The following BEAN1 variants were observed in gnomAD, a reference collection of about 807,000 sequenced individuals.
BEAN1 encodes the protein brain expressed associated with NEDD4 1, also known as protein BEAN1.
Under a neutral mutation model 17.7 loss-of-function variants are expected in BEAN1, and 17 were observed. The observed-to-expected ratio is 0.96, with a 90% CI of 0.66 to 1.44. The LOEUF is 1.44. BEAN1 is among the 40% of genes most tolerant of loss of function. BEAN1 has a pLI of 0.00. For missense variants in BEAN1, 359 were observed against 374.1 expected (o/e 0.96, Z 0.33); for synonymous variants, 142 against 151.8 (o/e 0.94, Z 0.47).
At chr16:66,457,453 T>C (rs190303520) in intron 2 of BEAN1, among the ~76,000 whole-genome samples, 4 of 152,298 alleles carry the variant, frequency 2.6e-5, no homozygotes, top group African/African-American at 7.2e-5. Flanking sequence ...TCAGGTGGCA[T>C]GGACCATGAC....
At chr16:66,436,317 G>C (rs368234504) in intron 1 of BEAN1, among the ~76,000 whole-genome samples, 3 of 147,488 alleles carry the variant, frequency 2.0e-5, no homozygotes, top group Admixed American at 1.4e-4. Flanking sequence ...ACCCAGGCTG[G>C]AGTGCAGTGG....
intron 4 of BEAN1, among the ~76,000 whole-genome samples, chr16:66,489,318 G>T (rs1038434310): frequency 3.9e-5 from 6 of 152,298 alleles, no homozygotes; most frequent in Middle Eastern, 3.4e-3. Context: ...TCAATCTCTT[G>T]GTTCATAAGA....
chr16:66,437,653 C>A lies in BEAN1; in HGVS notation c.-24C>A, dbSNP rs1444089799. Reference sequence around the variant, plus strand: ...AGCTGTGCCCGTGGGCAGGCTGGCTCCGCTGTTCTGCTCCAAGGATTACAT... The same window carrying A: ...AGCTGTGCCCGTGGGCAGGCTGGCTACGCTGTTCTGCTCCAAGGATTACAT... On this transcript the variant is annotated 5_prime_UTR_variant, in exon 2 of 5. Coordinates refer to ENST00000536005, the MANE Select transcript of BEAN1 (RefSeq NM_001178020.3). The A allele has an allele frequency of 1.3e-6, 2 of 1,535,790 alleles. No individual in the cohort carries two copies. The highest frequency in any genetic ancestry group is 4.9e-5 in the East Asian group (2 of 40,910).
chr16:66,479,751 A>G (rs1963913462), intron 4 of BEAN1, among the ~76,000 whole-genome samples: 1 of 152,082 alleles, frequency 6.6e-6, no homozygotes, highest in African/African-American at 2.4e-5. Context: ...TTATGCCCTC[A>G]GCTCCTGAGG....
chr16:66,448,742 GAA>G (rs1962552604), intron 2 of BEAN1, among the ~76,000 whole-genome samples: 1 of 152,204 alleles, frequency 6.6e-6, no homozygotes, highest in Non-Finnish European at 1.5e-5. Context: ...AGAATCTCTT[GAA>G]CCCAGGAGGC....
chr16:66,470,820 C>T (rs1963457342), intron 3 of BEAN1, among the ~76,000 whole-genome samples: 3 of 152,238 alleles, frequency 2.0e-5, no homozygotes, highest in South Asian at 4.1e-4. Flanking sequence ...AATTCAATTG[C>T]ATTCCATTCT....
At chr16:66,440,437 G>A (rs1962212866) in intron 2 of BEAN1, among the ~76,000 whole-genome samples, 1 of 152,098 alleles carries the variant, frequency 6.6e-6, no homozygotes. Flanking sequence ...GGCCCCTGCT[G>A]GGTGCTTCTG....
At position 66,429,232 on chromosome 16, in the gene BEAN1, C is replaced by T. The variant is rs115793260; in HGVS notation, c.-83+1801C>T. Among the ~76,000 whole-genome samples the T allele has an allele frequency of 7.4e-3, 1,127 of 152,294 alleles. 16 individuals carry two copies. Among genetic ancestry groups the T allele is most frequent in the African/African-American group, 0.026 (1,085 of 41,544 alleles). ...CTGAGGGGTCCCAGCCTTGATTCTT[C>T]GCAGACTATGATGTATTCGTCCAGG... On this transcript the variant is annotated intron_variant, in intron 1 of 4. Transcript: ENST00000536005.
chr16:66,431,282 C>G (rs983238514), intron 1 of BEAN1, among the ~76,000 whole-genome samples: 2 of 152,192 alleles, frequency 1.3e-5, no homozygotes, highest in African/African-American at 4.8e-5. Context: ...GCAACCCTGG[C>G]TCTTGACAAC....
intron 4 of BEAN1, among the ~76,000 whole-genome samples, chr16:66,478,633 AT>A (rs1265853268): frequency 6.6e-6 from 1 of 152,086 alleles, no homozygotes; most frequent in Non-Finnish European, 1.5e-5. Flanking sequence ...TAATAATAAT[AT>A]CTGCCCCACA....
At chr16:66,458,715 C>G (rs1962968324) in intron 2 of BEAN1, among the ~76,000 whole-genome samples, 1 of 152,216 alleles carries the variant, frequency 6.6e-6, no homozygotes, top group Admixed American at 6.5e-5. Context: ...CTTTAGCTCA[C>G]CAAGACAAAA....
At chr16:66,436,531 G>A (rs1401592192) in intron 1 of BEAN1, among the ~76,000 whole-genome samples, 1 of 150,740 alleles carries the variant, frequency 6.6e-6, no homozygotes, top group African/African-American at 2.4e-5. Context: ...GCCCGCCTCG[G>A]CCTCCCAAAG....
At chr16:66,480,484 A>G (rs1016364353) in intron 4 of BEAN1, 102 bp from the exon 5 acceptor site, 31 of 977,796 alleles carry the variant, frequency 3.2e-5, no homozygotes, top group Non-Finnish European at 4.4e-6. Context: ...ACCCTGGTCC[A>G]CAGCCAGGAC....
At chr16:66,458,318 G>A (rs867295109) in intron 2 of BEAN1, among the ~76,000 whole-genome samples, 11 of 152,284 alleles carry the variant, frequency 7.2e-5, no homozygotes, top group Middle Eastern at 6.8e-3. Context: ...GTCTGCCTCA[G>A]TTTCCCTGCC....
intron 1 of BEAN1, among the ~76,000 whole-genome samples, chr16:66,436,919 A>G (rs34952337): frequency 0.11 from 17,207 of 152,042 alleles, 1,043 homozygotes; most frequent in Middle Eastern, 0.25. Flanking sequence ...TTTAATATAC[A>G]GATGCCTTCT....
intron 2 of BEAN1, among the ~76,000 whole-genome samples, chr16:66,460,505 A>T (rs1963042637): frequency 6.6e-6 from 1 of 152,176 alleles, no homozygotes; most frequent in Non-Finnish European, 1.5e-5. Context: ...GTCCTCGCAC[A>T]TCCCTGGATG....
rs1963579273 is a variant in BEAN1 at position 66,473,731 on chromosome 16, TAAATAAA to T, written c.290-3828_290-3822del. Among the ~76,000 whole-genome samples, 1 of 151,672 alleles carries T rather than the reference TAAATAAA, an allele frequency of 6.6e-6. No homozygotes were observed. The highest frequency in any genetic ancestry group is 6.6e-5 in the Admixed American group (1 of 15,222). On this transcript the variant is annotated intron_variant, in intron 3 of 4. Coordinates refer to ENST00000536005, the MANE Select transcript of BEAN1 (RefSeq NM_001178020.3). The surrounding 1 kb of genome is among the most constrained non-coding windows in gnomAD (Gnocchi z 4.5). ...AAATAAATAAATAAATAATAAATAA[TAAATAAA>T]GAGGGAGGGGCAGTGTACCAGTGAA...
intron 2 of BEAN1, among the ~76,000 whole-genome samples, chr16:66,457,336 G>T (rs142279646): frequency 6.4e-4 from 97 of 152,274 alleles, no homozygotes; most frequent in Admixed American, 3.8e-3. Context: ...TGCTGGCTGG[G>T]TGAATTGATG....
Position 66,459,131 on chromosome 16 carries a change from G to A in BEAN1, c.26-10471G>A, listed in dbSNP as rs544349596. Among the ~76,000 whole-genome samples, 8 of 152,314 alleles carry A rather than the reference G, an allele frequency of 5.3e-5. No homozygotes were observed. The South Asian group carries it at 1.2e-3, about 24-fold the overall frequency. Reference sequence around the variant, plus strand: ...CTCACCTCTGTTCAGGGCAGAGGCCGTGGGCTCAGCTTCCTCTAGCCTGAG... The same window carrying A: ...CTCACCTCTGTTCAGGGCAGAGGCCATGGGCTCAGCTTCCTCTAGCCTGAG... On this transcript the variant is annotated intron_variant, in intron 2 of 4. Transcript: ENST00000536005.
Sources: allele counts gnomAD v4.1 joint callset (sites outside exome capture counted in the v4.1 genomes callset), GRCh38; gene constraint gnomAD v4.1.1; non-coding constraint Gnocchi (gnomAD v3.1); transcripts MANE v1.5; gene names NCBI Gene and HGNC (gene_info 2026-07-23, HGNC 2026-07-21).